CDK5RAP2: variants seen among roughly 807,000 people sequenced by gnomAD.
CDK5RAP2 encodes CDK5 regulatory subunit-associated protein 2.
In CDK5RAP2, 147 loss-of-function variants were observed where a neutral mutation model predicts 232.9. That is an observed-to-expected ratio of 0.63 (90% confidence interval 0.55 to 0.72). The LOEUF is 0.72. CDK5RAP2 is among the 30% of genes least tolerant of loss of function. The pLI is 0.00. For synonymous variants in CDK5RAP2, 833 were observed against 833.7 expected (o/e 1.00, Z 0.01); for missense variants, 2,195 against 2,231.5 (o/e 0.98, Z 0.33).
chr9:120,401,496 T>C (rs2033001222), intron 34 of CDK5RAP2, among the ~76,000 whole-genome samples: 1 of 151,162 alleles, frequency 6.6e-6, no homozygotes, highest in Admixed American at 6.6e-5. Context: ...CCTGTAGTCC[T>C]GGCTACTCAG....
At chr9:120,435,075 A>G (rs1340974073) in intron 25 of CDK5RAP2, among the ~76,000 whole-genome samples, 1 of 152,250 alleles carries the variant, frequency 6.6e-6, no homozygotes, top group Admixed American at 6.5e-5. Context: ...GAATACAAAT[A>G]AAAACAAATG....
chr9:120,487,570 T>C (rs2038681044), intron 13 of CDK5RAP2, 133 bp from the exon 14 acceptor site: 1 of 691,258 alleles, frequency 1.4e-6, no homozygotes, highest in Non-Finnish European at 2.4e-6. Flanking sequence ...ATTTTCATCA[T>C]TCCAAAATAC....
intron 11 of CDK5RAP2, among the ~76,000 whole-genome samples, chr9:120,524,469 C>T (rs758134401): frequency 1.3e-5 from 2 of 152,052 alleles, no homozygotes; most frequent in African/African-American, 2.4e-5. Flanking sequence ...GGTGAAACCC[C>T]GGCTCAAGTA....
chr9:120,478,137 CT>C (rs1483168023), intron 14 of CDK5RAP2, among the ~76,000 whole-genome samples: 3 of 152,206 alleles, frequency 2.0e-5, no homozygotes, highest in African/African-American at 7.2e-5. Context: ...TGGGAAGTTA[CT>C]TACTAGGAGC....
chr9:120,476,959 T>C (rs1306978923), intron 15 of CDK5RAP2, among the ~76,000 whole-genome samples: 1 of 152,244 alleles, frequency 6.6e-6, no homozygotes, highest in East Asian at 1.9e-4. Flanking sequence ...AGCAAGTCAC[T>C]TACCCTATCT....
At chr9:120,520,599 C>A (rs535012056) in intron 11 of CDK5RAP2, among the ~76,000 whole-genome samples, 1 of 151,804 alleles carries the variant, frequency 6.6e-6, no homozygotes, top group Admixed American at 6.6e-5. Context: ...GCCAAGATTG[C>A]GCCACTGCAC....
rs77836388 is a variant in CDK5RAP2, at chr9:120,529,095, G to C, written c.826-298C>G. ...AGGGCCGTGTGGCGGAAGTGGGCAAGAGAGTTAAGAGGAGGGACAGGAGAC... is the reference window on the plus strand; with the variant it reads ...AGGGCCGTGTGGCGGAAGTGGGCAACAGAGTTAAGAGGAGGGACAGGAGAC... On this transcript the variant is annotated intron_variant, in intron 8 of 37. Transcript: ENST00000349780. Among the ~76,000 whole-genome samples the C allele has an allele frequency of 0.015, 2,291 of 152,328 alleles. 63 individuals are homozygous for C. Among genetic ancestry groups the C allele is most frequent in the African/African-American group, 0.051 (2,133 of 41,564 alleles).
chr9:120,441,507 TAGA>T (rs1240101272), intron 23 of CDK5RAP2, among the ~76,000 whole-genome samples: 2 of 152,196 alleles, frequency 1.3e-5, no homozygotes, highest in Non-Finnish European at 2.9e-5. Flanking sequence ...CATTCCAAGA[TAGA>T]AGGAGATGCC....
intron 18 of CDK5RAP2, among the ~76,000 whole-genome samples, chr9:120,465,601 G>A (rs2037334040): frequency 6.6e-6 from 1 of 151,788 alleles, no homozygotes; most frequent in Non-Finnish European, 1.5e-5. Context: ...TTGTTGGGGG[G>A]AGGGGGAAAA....
At chr9:120,460,428 A>C in intron 19 of CDK5RAP2, 144 bp downstream of exon 19, 1 of 744,724 alleles carries the variant, frequency 1.3e-6, no homozygotes, top group East Asian at 2.7e-5. Flanking sequence ...GAAAAGACCT[A>C]GTCTTTGCTT....
chr9:120,540,179 C>T lies in CDK5RAP2; in HGVS notation c.384-1015G>A, dbSNP rs535743061. On this transcript the variant is annotated intron_variant, in intron 5 of 37. Transcript: ENST00000349780. ...AAATCAGACGCAGGACTACAACCAC[C>T]GATGCCAGAAGATAAACAGTGTCGG... Among the ~76,000 whole-genome samples the T allele has an allele frequency of 5.3e-5, 8 of 152,290 alleles. No individual in the cohort carries two copies. The South Asian group carries it at 1.2e-3, about 24-fold the overall frequency.
Position 120,539,041 on chromosome 9 carries a change from C to G in CDK5RAP2, c.507G>C (p.Lys169Asn). The G allele has an allele frequency of 6.2e-7, 1 of 1,614,010 alleles. No homozygotes were observed. The highest frequency in any genetic ancestry group is 8.5e-7 in the Non-Finnish European group (1 of 1,179,894). ...CTGCCCTCAGGATTTCCAGACTTGC[C>G]TTTTCCAAAAGGAGTATTCTTTTAG... ...LLTKRILLLE[K>N]DVTAAQAELE... Residue 169 changes from lysine to asparagine, a missense_variant and splice_region_variant, in exon 6 of 38, where the codon AAG becomes AAC. Coordinates refer to ENST00000349780, the MANE Select transcript of CDK5RAP2 (RefSeq NM_018249.6).
At chr9:120,441,017 T>G (rs932537248) in intron 23 of CDK5RAP2, among the ~76,000 whole-genome samples, 4 of 151,930 alleles carry the variant, frequency 2.6e-5, no homozygotes, top group Admixed American at 2.6e-4. Flanking sequence ...AGAAGTGGAG[T>G]AGTACAGCAG....
chr9:120,534,798 C>T (rs933267200), intron 7 of CDK5RAP2, among the ~76,000 whole-genome samples: 7 of 152,222 alleles, frequency 4.6e-5, no homozygotes, highest in Non-Finnish European at 1.5e-5. Context: ...TTCCCTGGGT[C>T]CCCTACTCCC....
intron 17 of CDK5RAP2, among the ~76,000 whole-genome samples, 172 bp downstream of exon 17, chr9:120,469,939 G>A (rs534320813): frequency 6.1e-4 from 93 of 152,084 alleles, no homozygotes; most frequent in Non-Finnish European, 1.0e-3. Context: ...TATCAGACAC[G>A]AGGGAAGGTA....
chr9:120,439,996 C>T (rs1306684956), intron 23 of CDK5RAP2, 24 bp from the exon 24 acceptor site: 1 of 1,599,060 alleles, frequency 6.3e-7, no homozygotes, highest in Admixed American at 1.7e-5. Context: ...ACACTTATGT[C>T]AGTATCTCTT....
intron 13 of CDK5RAP2, among the ~76,000 whole-genome samples, chr9:120,490,746 T>C (rs982603291): frequency 6.6e-6 from 1 of 152,230 alleles, no homozygotes; most frequent in Admixed American, 6.5e-5. Context: ...CTTGCTATTA[T>C]ACCTGCTTCT....
chr9:120,393,164 A>G (rs1319533172), intron 36 of CDK5RAP2, among the ~76,000 whole-genome samples: 2 of 151,732 alleles, frequency 1.3e-5, no homozygotes, highest in Non-Finnish European at 2.9e-5. Context: ...ATTCTTCAAG[A>G]CCCAGTCAGT....
intron 12 of CDK5RAP2, among the ~76,000 whole-genome samples, chr9:120,512,026 C>A (rs2040116048): frequency 6.6e-6 from 1 of 152,126 alleles, no homozygotes; most frequent in East Asian, 1.9e-4. Flanking sequence ...GCGTGAGCCA[C>A]CGCGCCCGGC....
Sources: gnomAD v4.1 joint callset for allele counts (sites outside exome capture counted in the v4.1 genomes callset) on GRCh38, gnomAD v4.1.1 for gene constraint, MANE v1.5 for transcripts, NCBI Gene and HGNC (gene_info 2026-07-23, HGNC 2026-07-21) for gene names.